The following SLMAP variants were observed in gnomAD, a reference collection of about 807,000 sequenced individuals.
The protein encoded by SLMAP is sarcolemma associated protein, also known as sarcolemmal membrane-associated protein.
In SLMAP, 44 loss-of-function variants were observed where a neutral mutation model predicts 128.8. That is an observed-to-expected ratio of 0.34 (90% CI 0.27 to 0.44). The LOEUF is 0.44. SLMAP is among the 20% of genes least tolerant of loss of function. The pLI is 1.00. For synonymous variants in SLMAP, 327 were observed against 348.8 expected, an observed-to-expected ratio of 0.94 and a Z score of 0.70; for missense variants, 787 against 985.3, an observed-to-expected ratio of 0.80 and a Z score of 2.69.
At chr3:57,843,305 C>CTTTTTTTTTTTTTTTTTTTTTTTT in intron 4 of SLMAP, among the ~76,000 whole-genome samples, 21 of 92,112 alleles carry the variant, frequency 2.3e-4, no homozygotes, top group East Asian at 5.9e-4. Flanking sequence ...CTTTCTTTTC[C>CTTTTTTTTTTTTTTTTTTTTTTTT]TTTTTTTTTT....
At chr3:57,918,220 T>TA (rs1423787859) in intron 22 of SLMAP, 1 of 152,260 alleles carries the variant, frequency 6.6e-6, no homozygotes, top group Non-Finnish European at 1.5e-5. Flanking sequence ...TATTTAATAC[T>TA]GTAAGCACTT....
chr3:57,887,894 C>T (rs1049325302), intron 14 of SLMAP, among the ~76,000 whole-genome samples: 5 of 152,166 alleles, frequency 3.3e-5, no homozygotes, highest in African/African-American at 4.8e-5. Context: ...ATTAGACTCA[C>T]CTTCTGGTTG....
intron 19 of SLMAP, among the ~76,000 whole-genome samples, chr3:57,911,384 A>C (rs2096692667): frequency 6.6e-6 from 1 of 152,058 alleles, no homozygotes; most frequent in Admixed American, 6.6e-5. Context: ...GTAATTAATT[A>C]TTTTCCTTTG....
intron 2 of SLMAP, among the ~76,000 whole-genome samples, chr3:57,765,423 G>T (rs186230726): frequency 6.6e-6 from 1 of 152,102 alleles, no homozygotes; most frequent in Non-Finnish European, 1.5e-5. Context: ...ATAGATTGTA[G>T]TTAGGGTCAG....
chr3:57,778,117 A>G (rs936520448), intron 2 of SLMAP, among the ~76,000 whole-genome samples: 1 of 152,200 alleles, frequency 6.6e-6, no homozygotes, highest in African/African-American at 2.4e-5. Context: ...ATCTGGACCT[A>G]TTTATGTTCT....
At chr3:57,856,235 A>G (rs2094781755) in intron 6 of SLMAP, among the ~76,000 whole-genome samples, 1 of 152,108 alleles carries the variant, frequency 6.6e-6, no homozygotes, top group Non-Finnish European at 1.5e-5. Context: ...AAAAAAGAAA[A>G]AAAAGTTCTT....
intron 21 of SLMAP, among the ~76,000 whole-genome samples, chr3:57,916,393 A>G (rs1371483784): frequency 1.3e-5 from 2 of 152,184 alleles, no homozygotes; most frequent in Non-Finnish European, 2.9e-5. Context: ...TGGCAGAGCT[A>G]GGGGTCTAGA....
Position 57,929,791 on chromosome 3 carries a change from T to G in SLMAP, c.*2502T>G, listed in dbSNP as rs1268142938. 6.6e-6 allele frequency among the ~76,000 whole-genome samples: 1 copy of G among 152,250 alleles called. No individual in the cohort carries two copies. The highest frequency in any genetic ancestry group is 1.5e-5 in the Non-Finnish European group (1 of 68,040). Reference sequence around the variant, plus strand: ...TGCCTTGTGCAAATCACATTTTCTCTGAGTCTCCATTTTCTCATTTATAAC... The same window carrying G: ...TGCCTTGTGCAAATCACATTTTCTCGGAGTCTCCATTTTCTCATTTATAAC... On this transcript the variant is annotated 3_prime_UTR_variant, in exon 25 of 25. Transcript: ENST00000671191.
intron 13 of SLMAP, among the ~76,000 whole-genome samples, chr3:57,868,900 T>G (rs1345168659): frequency 7.3e-6 from 1 of 137,098 alleles, no homozygotes; most frequent in Non-Finnish European, 1.5e-5. Flanking sequence ...TTATATATAT[T>G]ATATATGTGT....
chr3:57,829,972 A>G (rs1171949820), intron 2 of SLMAP, among the ~76,000 whole-genome samples: 2 of 152,196 alleles, frequency 1.3e-5, no homozygotes, highest in African/African-American at 4.8e-5. Flanking sequence ...CTTTTGAAAG[A>G]TACTTAATAT....
chr3:57,911,923 TA>T (rs57106769), intron 19 of SLMAP, among the ~76,000 whole-genome samples: 18,416 of 52,444 alleles, frequency 0.35, 1,336 homozygotes, highest in East Asian at 0.55. Flanking sequence ...GGATTCACCC[TA>T]AAAAAAAAAA....
At chr3:57,825,899 T>A (rs2092893002) in intron 2 of SLMAP, among the ~76,000 whole-genome samples, 1 of 152,142 alleles carries the variant, frequency 6.6e-6, no homozygotes, top group Admixed American at 6.5e-5. Context: ...ATTCAGCGTT[T>A]ACTTGGGTGC....
At chr3:57,802,490 C>T (rs2153496080) in intron 2 of SLMAP, among the ~76,000 whole-genome samples, 1 of 152,102 alleles carries the variant, frequency 6.6e-6, no homozygotes, top group East Asian at 1.9e-4. Context: ...CTATGTTGGC[C>T]AGGCTGGTCT....
chr3:57,908,316 T>C lies in SLMAP; in HGVS notation c.1624+310T>C, dbSNP rs4681764. Among the ~76,000 whole-genome samples, 50,423 of 152,154 alleles carry C rather than the reference T, an allele frequency of 0.33. 9,046 individuals carry two copies. The highest frequency in any genetic ancestry group is 0.48 in the East Asian group (2,474 of 5,174). ...AACTCAAATTTCTAAATTTTTATTA[T>C]GCCTAATGTTAGCTAATGTCCTGGC... On this transcript the variant is annotated intron_variant, in intron 18 of 24. Transcript: ENST00000671191.
chr3:57,906,675 ATATATATAT>A lies in SLMAP; in HGVS notation c.1502-1208_1502-1200del, dbSNP rs777804847. Among the ~76,000 whole-genome samples the A allele has an allele frequency of 7.0e-3, 855 of 122,588 alleles. 11 individuals carry two copies. Among genetic ancestry groups the A allele is most frequent in the African/African-American group, 0.023 (662 of 28,466 alleles). The allele number at this position is 122,588 out of a possible 152,430, so 80.4% of individuals were successfully genotyped here. On this transcript the variant is annotated intron_variant, in intron 17 of 24. Coordinates refer to ENST00000671191, the MANE Select transcript of SLMAP (RefSeq NM_001377540.1). ...TATAATCTATGAATATGAAAAAAAA[ATATATATAT>A]ATATATATATATATATAATTTCCAA...
intron 2 of SLMAP, among the ~76,000 whole-genome samples, chr3:57,758,706 C>T (rs531478648): frequency 6.6e-6 from 1 of 152,170 alleles, no homozygotes; most frequent in Admixed American, 6.6e-5. Context: ...TCGTAAGTTA[C>T]TATACATGTA....
intron 10 of SLMAP, among the ~76,000 whole-genome samples, 176 bp downstream of exon 10, chr3:57,862,262 G>A (rs1041434118): frequency 1.3e-5 from 2 of 151,938 alleles, no homozygotes; most frequent in African/African-American, 2.4e-5. Flanking sequence ...AGGTTGCAGC[G>A]AGCTGAGATC....
At chr3:57,813,842 T>C (rs1013716882) in intron 2 of SLMAP, among the ~76,000 whole-genome samples, 3 of 152,212 alleles carry the variant, frequency 2.0e-5, no homozygotes, top group African/African-American at 4.8e-5. Flanking sequence ...GAGCCAGTTA[T>C]CACTAATCTT....
At chr3:57,844,128 C>T (rs962106171) in intron 4 of SLMAP, among the ~76,000 whole-genome samples, 1 of 151,084 alleles carries the variant, frequency 6.6e-6, no homozygotes, top group South Asian at 2.2e-4. Context: ...GCAGGTGGCT[C>T]GTGCCTGTAA....
Sources: gnomAD v4.1 joint callset for allele counts (sites outside exome capture counted in the v4.1 genomes callset) on GRCh38, gnomAD v4.1.1 for gene constraint, MANE v1.5 for transcripts, NCBI Gene and HGNC (gene_info 2026-07-23, HGNC 2026-07-21) for gene names.